The following TUSC3 variants were observed in gnomAD, a reference collection of about 807,000 sequenced individuals.
TUSC3 encodes the protein tumor suppressor candidate 3, also known as dolichyl-diphosphooligosaccharide--protein glycosyltransferase subunit TUSC3.
Under a neutral mutation model 44.8 loss-of-function variants are expected in TUSC3, and 45 were observed. That is an observed-to-expected ratio of 1.00 (90% confidence interval 0.79 to 1.29). The LOEUF is 1.29. TUSC3 is among the 50% of genes most tolerant of loss of function. The probability of loss-of-function intolerance (pLI) is 0.00; values close to 1 mark genes in which losing one functional copy is unlikely to be tolerated. For synonymous variants in TUSC3, 212 were observed against 152.9 expected, an observed-to-expected ratio of 1.39 and a Z score of -2.85; for missense variants, 519 against 437.9, an observed-to-expected ratio of 1.19 and a Z score of -1.65.
At chr8:15,711,760 T>C (rs1809862466) in intron 6 of TUSC3, among the ~76,000 whole-genome samples, 1 of 151,922 alleles carries the variant, frequency 6.6e-6, no homozygotes, top group Non-Finnish European at 1.5e-5. Flanking sequence ...AATGCTATAA[T>C]TGCAAATATA....
chr8:15,616,258 T>G (rs1176005720), intron 1 of TUSC3, among the ~76,000 whole-genome samples: 1 of 152,232 alleles, frequency 6.6e-6, no homozygotes, highest in African/African-American at 2.4e-5. Flanking sequence ...AATTTACTCC[T>G]AGAAATTTGC....
At chr8:15,477,245 C>T (rs996480161) in intron 1 of TUSC3, among the ~76,000 whole-genome samples, 2 of 152,134 alleles carry the variant, frequency 1.3e-5, no homozygotes, top group African/African-American at 4.8e-5. Context: ...ATTTAGTTGT[C>T]TATGAGGTTA....
At chr8:15,577,661 C>T (rs1161434952) in intron 1 of TUSC3, among the ~76,000 whole-genome samples, 1 of 146,324 alleles carries the variant, frequency 6.8e-6, no homozygotes, top group African/African-American at 2.5e-5. Context: ...CTGTTCTGTT[C>T]CATTGATCTA....
At position 15,729,198 on chromosome 8, in the gene TUSC3, T is replaced by C. The variant is rs111493652; in HGVS notation, c.799-1468T>C. On this transcript the variant is annotated intron_variant, in intron 6 of 10. Transcript: ENST00000503731. Reference sequence around the variant, plus strand: ...TATCCTGTACTGTTAAACTCAGATATGTTAGTCAGTGATGTAAATATTGAT... The same window carrying C: ...TATCCTGTACTGTTAAACTCAGATACGTTAGTCAGTGATGTAAATATTGAT... 2.5e-3 allele frequency among the ~76,000 whole-genome samples: 383 copies of C among 152,318 alleles called. 3 individuals are homozygous for C. The highest frequency in any genetic ancestry group is 8.8e-3 in the African/African-American group (367 of 41,564).
intron 2 of TUSC3, among the ~76,000 whole-genome samples, chr8:15,633,046 T>C (rs928240473): frequency 5.9e-5 from 9 of 152,224 alleles, no homozygotes; most frequent in African/African-American, 2.2e-4. Context: ...GGTAGTATTA[T>C]TGCTTTGAGG....
chr8:15,509,479 G>T lies in TUSC3; in HGVS notation n.189+25996G>T, dbSNP rs1472642786. Among the ~76,000 whole-genome samples the T allele has an allele frequency of 2.0e-5, 3 of 151,960 alleles. 1 individual carries two copies. The highest frequency in any genetic ancestry group is 6.6e-5 in the Admixed American group (1 of 15,256). On this transcript the variant is annotated intron_variant and non_coding_transcript_variant, in intron 2 of 5. Transcript: ENST00000503191. ...AAAAATTAGCTAGGTGAGGTGGCAG[G>T]CGCCTGTAATCCCAGCTACTCGGGA...
chr8:15,443,643 C>G (rs964670005), intron 1 of TUSC3, among the ~76,000 whole-genome samples: 23 of 152,114 alleles, frequency 1.5e-4, no homozygotes, highest in African/African-American at 5.6e-4. Flanking sequence ...AAGATGATAA[C>G]AGCCCTTTCC....
downstream of TUSC3, among the ~76,000 whole-genome samples, chr8:15,769,263 T>G (rs749560823): frequency 1.3e-5 from 2 of 152,108 alleles, no homozygotes; most frequent in Admixed American, 6.5e-5. Context: ...AACAGAGGCC[T>G]CAGAAATAAT....
chr8:15,457,564 T>G (rs1309104399), intron 1 of TUSC3, among the ~76,000 whole-genome samples: 6 of 150,926 alleles, frequency 4.0e-5, no homozygotes, highest in Non-Finnish European at 3.0e-5. Context: ...AGAACTTTTC[T>G]GCACATACGC....
At chr8:15,729,986 GT>G (rs151312793) in intron 6 of TUSC3, among the ~76,000 whole-genome samples, 1 of 151,726 alleles carries the variant, frequency 6.6e-6, no homozygotes, top group East Asian at 1.9e-4. Flanking sequence ...TTTTTCTCCA[GT>G]TTTTTTATAT....
chr8:15,545,372 C>A (rs1256909090), intron 1 of TUSC3, among the ~76,000 whole-genome samples: 1 of 151,480 alleles, frequency 6.6e-6, no homozygotes, highest in Non-Finnish European at 1.5e-5. Flanking sequence ...TTTAAGAAAC[C>A]AAGGTCTTTA....
intron 6 of TUSC3, among the ~76,000 whole-genome samples, chr8:15,677,123 T>C (rs932043994): frequency 2.0e-5 from 3 of 152,232 alleles, no homozygotes; most frequent in Non-Finnish European, 4.4e-5. Context: ...GCTCAAGTGA[T>C]CCTCCTGCCT....
At chr8:15,549,494 G>A (rs1206738492) in intron 1 of TUSC3, among the ~76,000 whole-genome samples, 1 of 151,572 alleles carries the variant, frequency 6.6e-6, no homozygotes, top group East Asian at 2.0e-4. Context: ...TTATTTTTTT[G>A]TGTGTGCCTA....
At chr8:15,655,610 T>G (rs1312337023) in intron 3 of TUSC3, among the ~76,000 whole-genome samples, 1 of 152,206 alleles carries the variant, frequency 6.6e-6, no homozygotes, top group African/African-American at 2.4e-5. Flanking sequence ...CCAAAACTTT[T>G]AAATAAACGT....
At chr8:15,524,687 A>T (rs62502548) in intron 2 of TUSC3, among the ~76,000 whole-genome samples, 7,942 of 152,250 alleles carry the variant, frequency 0.052, 262 homozygotes, top group Middle Eastern at 0.11. Context: ...CCCAATGGAG[A>T]ACCTATTTTT....
At chr8:15,720,229 CACACAGAG>C (rs1199486648) in intron 6 of TUSC3, among the ~76,000 whole-genome samples, 12 of 150,752 alleles carry the variant, frequency 8.0e-5, no homozygotes, top group African/African-American at 2.9e-4. Context: ...CACACACACA[CACACAGAG>C]AGAACATTTC....
intron 1 of TUSC3, among the ~76,000 whole-genome samples, chr8:15,558,616 G>C (rs1802347564): frequency 9.7e-6 from 1 of 102,566 alleles, no homozygotes; most frequent in African/African-American, 3.2e-5. Context: ...GTAGAATTCA[G>C]CTGTGAATCC....
intron 6 of TUSC3, among the ~76,000 whole-genome samples, chr8:15,716,567 C>G (rs1022000264): frequency 1.3e-5 from 2 of 152,056 alleles, no homozygotes; most frequent in Admixed American, 6.6e-5. Flanking sequence ...TACACTGATA[C>G]ACGTGTGATA....
chr8:15,851,380 A>G, the TUSC3 span, among the ~76,000 whole-genome samples: 621 of 152,342 alleles, frequency 4.1e-3, 4 homozygotes, highest in African/African-American at 0.014. Context: ...TATTTTCCAT[A>G]AAGTATAACG....
Sources: allele counts gnomAD v4.1 joint callset (sites outside exome capture counted in the v4.1 genomes callset), GRCh38; gene constraint gnomAD v4.1.1; transcripts MANE v1.5; gene names NCBI Gene and HGNC (gene_info 2026-07-23, HGNC 2026-07-21).